ECE1: variants seen among roughly 807,000 people sequenced by gnomAD.
ECE1 encodes endothelin converting enzyme 1.
ECE1 carries 35 observed loss-of-function variants against 98.6 expected under a neutral mutation model. The ratio of observed to expected loss-of-function variants is 0.35; its 90% CI spans 0.27 to 0.47. The LOEUF (loss-of-function observed/expected upper bound fraction) is 0.47. ECE1 is among the 20% of genes least tolerant of loss of function. The pLI, the probability that ECE1 is intolerant of heterozygous loss-of-function variation, is 1.00. For synonymous variants in ECE1, 394 were observed against 407.1 expected (o/e 0.97, Z 0.39); for missense variants, 814 against 1,025.3 (o/e 0.79, Z 2.81).
At position 21,258,779 on chromosome 1, in the gene ECE1, C is replaced by A; in HGVS notation, c.676G>T (p.Val226Leu). ...GAGGTGCGGTAGTGGGCGGTGACCA[C>A]CTGCAGGGTGTCCTGGAAGTTGTCC... is the stretch of plus-strand genomic sequence containing the variant. The part of the protein sequence containing the change: ...AKDNFQDTLQ[V>L]VTAHYRTSPF... The change falls in exon 6 of 19, where the codon GTG becomes TTG. Residue 226 changes from valine (V) to leucine (L), a missense_variant. By Grantham distance (32) the Val-to-Leu change is conservative (BLOSUM62 1). This residue lies in a region of ECE1 where 105 missense variants were observed against 179.1 expected (regional missense o/e 0.59). Coordinates refer to ENST00000374893, the MANE Select transcript of ECE1 (RefSeq NM_001397.3). The surrounding 1 kb of genome is among the most constrained non-coding windows in gnomAD (Gnocchi z 4.2). 1 of 1,614,198 alleles carries A rather than the reference C, an allele frequency of 6.2e-7. No homozygotes were observed. Among genetic ancestry groups the A allele is most frequent in the Non-Finnish European group, 8.5e-7 (1 of 1,180,038 alleles).
At chr1:21,254,719 C>A (rs2098217718) in intron 8 of ECE1, among the ~76,000 whole-genome samples, 1 of 147,418 alleles carries the variant, frequency 6.8e-6, no homozygotes, top group Admixed American at 6.9e-5. Context: ...GGCCTCAGAG[C>A]AGGAAAAGAG....
chr1:21,258,589 T>TGCC lies in ECE1; in HGVS notation c.762+103_762+104insGGC. ...AGGCTCAGAAACTAGAAGACCGCCG[T>TGCC]CCCACCCAGGGCAAGCCCCTCTCCC... On this transcript the variant is annotated intron_variant, in intron 6 of 18. Transcript: ENST00000374893. The surrounding 1 kb of genome is among the most constrained non-coding windows in gnomAD (Gnocchi z 4.2). 15 of 1,203,820 alleles carry TGCC rather than the reference T, an allele frequency of 1.2e-5. No individual in the cohort carries two copies. Among genetic ancestry groups the TGCC allele is most frequent in the Non-Finnish European group, 1.8e-5 (15 of 825,898 alleles). 74.6% of individuals were successfully genotyped at this position (1,203,820 alleles called of 1,614,324 possible). A position where few individuals can be genotyped will look rare whatever the true frequency, so the allele number is the denominator to read the frequency against.
In ECE1 at chr1:21,279,234, T is replaced by G; in HGVS notation, c.237A>C (p.Gly79=). Reference sequence around the variant, plus strand: ...CCAGTGCTGCCAAGCAGGCCACCAGTCCTGCCGCCAGAAGTACCACCAACA... The same window carrying G: ...CCAGTGCTGCCAAGCAGGCCACCAGGCCTGCCGCCAGAAGTACCACCAACA... ...LVVLVVLLAA[G]LVACLAALGI... The change falls in exon 3 of 19, where the codon GGA becomes GGC. Residue 79 remains glycine, a synonymous_variant. Coordinates refer to ENST00000374893, the MANE Select transcript of ECE1 (RefSeq NM_001397.3). 6.2e-7 allele frequency: 1 copy of G among 1,614,138 alleles called. No individual in the cohort carries two copies. The highest frequency in any genetic ancestry group is 1.1e-5 in the South Asian group (1 of 91,084).
At chr1:21,290,617 G>A, upstream of ECE1, 1 of 1,161,368 alleles carries the variant, frequency 8.6e-7, no homozygotes, top group Non-Finnish European at 1.1e-6. The surrounding 1 kb of genome is among the most constrained non-coding windows in gnomAD (Gnocchi z 7.3). Context: ...CGGGAGTGGG[G>A]GCCCCCAAAC....
chr1:21,329,036 C>G (rs895948752), intron 1 of ECE1, among the ~76,000 whole-genome samples: 2 of 152,096 alleles, frequency 1.3e-5, no homozygotes, highest in African/African-American at 4.8e-5. Flanking sequence ...TTCCCCCTAC[C>G]AGGCGATGTT....
At chr1:21,261,885 G>C (rs2098227337) in intron 4 of ECE1, among the ~76,000 whole-genome samples, 1 of 152,210 alleles carries the variant, frequency 6.6e-6, no homozygotes, top group Non-Finnish European at 1.5e-5. Context: ...AGCAGGACAG[G>C]ACAGTGTGGG....
rs2098173451 is a variant in ECE1, at chr1:21,225,791, A to C, written c.1850-351T>G. On this transcript the variant is annotated intron_variant, in intron 16 of 18. Transcript: ENST00000374893. The surrounding 1 kb of genome is among the most constrained non-coding windows in gnomAD (Gnocchi z 5.3). ...ACTGCAACCTTTGCCTCCTGGGTTCAAGGAATTCTTGTGCTCAGCCTCTGG... is the reference window on the plus strand; with the variant it reads ...ACTGCAACCTTTGCCTCCTGGGTTCCAGGAATTCTTGTGCTCAGCCTCTGG... Among the ~76,000 whole-genome samples, 2 of 150,242 alleles carry C rather than the reference A, an allele frequency of 1.3e-5. No individual in the cohort carries two copies. The highest frequency in any genetic ancestry group is 6.6e-5 in the Admixed American group (1 of 15,062).
intron 8 of ECE1, among the ~76,000 whole-genome samples, chr1:21,252,816 T>C (rs867991419): frequency 1.8e-4 from 27 of 152,200 alleles, no homozygotes; most frequent in Admixed American, 1.3e-3. Flanking sequence ...ATGAATCAAA[T>C]TGATTTAGTG....
At chr1:21,230,869 G>T (rs1040915820) in intron 14 of ECE1, among the ~76,000 whole-genome samples, 3 of 151,778 alleles carry the variant, frequency 2.0e-5, no homozygotes, top group Non-Finnish European at 4.4e-5. Context: ...AAAAATCAGG[G>T]CCAGTGCAGT....
intron 4 of ECE1, among the ~76,000 whole-genome samples, chr1:21,272,418 A>AG (rs979312479): frequency 1.3e-5 from 2 of 152,188 alleles, no homozygotes; most frequent in African/African-American, 4.8e-5. Flanking sequence ...CAGCCTCCCG[A>AG]GTAGTTGGGA....
intron 9 of ECE1, among the ~76,000 whole-genome samples, chr1:21,245,729 C>G (rs1425433735): frequency 1.3e-5 from 2 of 152,142 alleles, no homozygotes; most frequent in Non-Finnish European, 1.5e-5. Flanking sequence ...TGTATTTGTA[C>G]ACGACGGAGT....
At chr1:21,255,059 G>C (rs923318655) in intron 8 of ECE1, among the ~76,000 whole-genome samples, 11 of 152,214 alleles carry the variant, frequency 7.2e-5, no homozygotes, top group African/African-American at 2.7e-4. Context: ...AGCACATGAA[G>C]CGCAAGGTCC....
At chr1:21,290,488 CT>C, upstream of ECE1, 1 of 1,220,426 alleles carries the variant, frequency 8.2e-7, no homozygotes, top group Non-Finnish European at 1.0e-6. This position sits in a 1 kb window ranked among gnomAD's most constrained non-coding sequence, Gnocchi z 7.3. Flanking sequence ...GTTGCACCAC[CT>C]TCGCGGGCGG....
rs150273937 is a variant in ECE1 at position 21,334,959 on chromosome 1, C to T, written c.3+10417G>A. Among the ~76,000 whole-genome samples the T allele has an allele frequency of 2.0e-5, 3 of 152,262 alleles. No homozygotes were observed. In the East Asian group the frequency reaches 5.8e-4, roughly 29 times the overall value. ...AAACAGAAACCAAGCCCAGTCGCCCCTCAACGTGGGGTCCTCCAGTGGCTT... is the reference window on the plus strand; with the variant it reads ...AAACAGAAACCAAGCCCAGTCGCCCTTCAACGTGGGGTCCTCCAGTGGCTT... On this transcript the variant is annotated intron_variant, in intron 1 of 18. Transcript: ENST00000415912.
At chr1:21,238,665 T>A (rs1437921358) in intron 10 of ECE1, among the ~76,000 whole-genome samples, 1 of 152,118 alleles carries the variant, frequency 6.6e-6, no homozygotes, top group Admixed American at 6.5e-5. Flanking sequence ...TCCTGCCTCC[T>A]GGGAAGAGCA....
intron 2 of ECE1, among the ~76,000 whole-genome samples, chr1:21,285,112 T>C (rs1323130285): frequency 6.6e-6 from 1 of 152,226 alleles, no homozygotes. Flanking sequence ...CTCTTGTCTC[T>C]GCCTGAGCCT....
rs369606676 is a variant in ECE1, at chr1:21,250,211, A to G, written c.1021-2848T>C. On this transcript the variant is annotated intron_variant, in intron 8 of 18. Transcript: ENST00000374893. ...AACTTGACTATTCTAGGTACCTCATATAAGTAGAATCAGGCAGTATTTGTC... is the reference window on the plus strand; with the variant it reads ...AACTTGACTATTCTAGGTACCTCATGTAAGTAGAATCAGGCAGTATTTGTC... Among the ~76,000 whole-genome samples, 49 of 152,318 alleles carry G rather than the reference A, an allele frequency of 3.2e-4. 1 individual carries two copies. Among genetic ancestry groups the G allele is most frequent in the African/African-American group, 1.1e-3 (45 of 41,572 alleles).
At chr1:21,343,015 T>C (rs908602398) in intron 1 of ECE1, among the ~76,000 whole-genome samples, 1 of 152,178 alleles carries the variant, frequency 6.6e-6, no homozygotes, top group Non-Finnish European at 1.5e-5. Context: ...CATTCTGGCC[T>C]TTCCAGGAGC....
intron 1 of ECE1, among the ~76,000 whole-genome samples, chr1:21,310,368 G>A (rs898430759): frequency 6.6e-6 from 1 of 152,182 alleles, no homozygotes; most frequent in African/African-American, 2.4e-5. Flanking sequence ...TCCCTGGGCT[G>A]AATTAGAAAG....
Sources: allele counts gnomAD v4.1 joint callset (sites outside exome capture counted in the v4.1 genomes callset), GRCh38; gene constraint gnomAD v4.1.1; regional missense constraint gnomAD v4.1.1; non-coding constraint Gnocchi (gnomAD v3.1); transcripts MANE v1.5; gene names NCBI Gene and HGNC (gene_info 2026-07-23, HGNC 2026-07-21).